Variants in TMEM132D observed in about 807,000 individuals in gnomAD.
TMEM132D encodes mature OL transmembrane protein.
TMEM132D carries 21 observed loss-of-function variants against 62.3 expected under a neutral mutation model. That is an observed-to-expected ratio of 0.34 (90% confidence interval 0.24 to 0.49). TMEM132D has a LOEUF of 0.49. Among genes scored for constraint, TMEM132D ranks in the 20% least tolerant of loss-of-function variants. The pLI is 0.99. For synonymous variants in TMEM132D, 621 were observed against 575.6 expected, an observed-to-expected ratio of 1.08 and a Z score of -1.13; for missense variants, 1,346 against 1,402.8, an observed-to-expected ratio of 0.96 and a Z score of 0.65.
intron 1 of TMEM132D, among the ~76,000 whole-genome samples, chr12:129,732,629 G>A (rs1247529268): frequency 6.6e-6 from 1 of 152,180 alleles, no homozygotes; most frequent in Admixed American, 6.5e-5. Context: ...TCCACAAGGT[G>A]TAAATGCTCC....
chr12:129,137,495 C>T (rs1460345616), intron 5 of TMEM132D, among the ~76,000 whole-genome samples: 1 of 152,142 alleles, frequency 6.6e-6, no homozygotes, highest in Non-Finnish European at 1.5e-5. Flanking sequence ...AACTTGAATG[C>T]CAGTCTTAGT....
At chr12:129,248,709 C>T (rs1037937107) in intron 4 of TMEM132D, among the ~76,000 whole-genome samples, 1 of 152,258 alleles carries the variant, frequency 6.6e-6, no homozygotes, top group East Asian at 1.9e-4. Context: ...CTCCCCCGCT[C>T]CACCCTCCAC....
chr12:129,771,007 G>A (rs1322765007), intron 1 of TMEM132D, among the ~76,000 whole-genome samples: 1 of 152,200 alleles, frequency 6.6e-6, no homozygotes, highest in African/African-American at 2.4e-5. Context: ...GGAGGTCCCT[G>A]AGGACATGAC....
chr12:129,447,582 C>G (rs552957233), intron 3 of TMEM132D, among the ~76,000 whole-genome samples: 3 of 152,092 alleles, frequency 2.0e-5, no homozygotes, highest in Non-Finnish European at 4.4e-5. Flanking sequence ...AGCCTTTCTC[C>G]TTGAGGTAAC....
rs1317739116 is a variant in TMEM132D at position 129,247,998 on chromosome 12, T to C, written c.1300-38335A>G. ...AGTAAGGTTGCAATGATTGAATATT[T>C]GCATGCCTTTAGCATAAAATTCAAG... On this transcript the variant is annotated intron_variant, in intron 4 of 8. Coordinates refer to ENST00000422113, the MANE Select transcript of TMEM132D (RefSeq NM_133448.3). Among the ~76,000 whole-genome samples, 4 of 152,184 alleles carry C rather than the reference T, an allele frequency of 2.6e-5. No homozygotes were observed. In the East Asian group the frequency reaches 7.7e-4, roughly 29 times the overall value.
intron 3 of TMEM132D, among the ~76,000 whole-genome samples, chr12:129,414,885 CTT>C (rs1300307957): frequency 1.3e-5 from 2 of 152,164 alleles, no homozygotes; most frequent in African/African-American, 4.8e-5. Flanking sequence ...GAATTCAACT[CTT>C]TTAGATTCCA....
chr12:129,898,715 C>T (rs181024889), intron 1 of TMEM132D, among the ~76,000 whole-genome samples: 2 of 152,366 alleles, frequency 1.3e-5, no homozygotes, highest in Admixed American at 6.5e-5. Flanking sequence ...GTGTAATTCA[C>T]ATGTTCCCCT....
At chr12:129,520,996 C>CA (rs1593048913) in intron 3 of TMEM132D, among the ~76,000 whole-genome samples, 1 of 152,134 alleles carries the variant, frequency 6.6e-6, no homozygotes, top group Non-Finnish European at 1.5e-5. Flanking sequence ...TAATTGTAGA[C>CA]AAAAAACACC....
intron 4 of TMEM132D, among the ~76,000 whole-genome samples, chr12:129,266,646 G>A (rs1015270677): frequency 2.9e-5 from 4 of 138,978 alleles, no homozygotes; most frequent in African/African-American, 1.1e-4. Context: ...CCTCTCACCA[G>A]TGACCTCATC....
intron 3 of TMEM132D, among the ~76,000 whole-genome samples, chr12:129,402,859 G>A (rs886616382): frequency 6.9e-6 from 1 of 145,766 alleles, no homozygotes; most frequent in Non-Finnish European, 1.5e-5. Context: ...GCCACCATCT[G>A]CAGCAATGGA....
chr12:129,616,281 A>T (rs945467619), intron 2 of TMEM132D, among the ~76,000 whole-genome samples: 1 of 152,154 alleles, frequency 6.6e-6, no homozygotes, highest in Non-Finnish European at 1.5e-5. Context: ...CTCATCATTC[A>T]GTATTTGCTT....
At position 129,473,057 on chromosome 12, in the gene TMEM132D, G is replaced by T. The variant is rs551142460; in HGVS notation, c.1115+58002C>A. ...TTTTTGTATTTTTAGTAGAGAAGGG[G>T]TTTCACCATGTTGGTCAGGCTGGTC... On this transcript the variant is annotated intron_variant, in intron 3 of 8. Coordinates refer to ENST00000422113, the MANE Select transcript of TMEM132D (RefSeq NM_133448.3). Among the ~76,000 whole-genome samples, 8 of 152,124 alleles carry T rather than the reference G, an allele frequency of 5.3e-5. No individual in the cohort carries two copies. In the East Asian group the frequency reaches 1.2e-3, roughly 22 times the overall value.
At chr12:129,082,626 A>G (rs1320453196) in intron 6 of TMEM132D, among the ~76,000 whole-genome samples, 1 of 152,312 alleles carries the variant, frequency 6.6e-6, no homozygotes, top group South Asian at 2.1e-4. Flanking sequence ...ATGGGACCCC[A>G]GCCCCACTGA....
chr12:129,317,171 T>C (rs1868516582), intron 4 of TMEM132D, among the ~76,000 whole-genome samples: 1 of 152,206 alleles, frequency 6.6e-6, no homozygotes, highest in Non-Finnish European at 1.5e-5. Context: ...TCATGCTCTT[T>C]GTTGCCTGTG....
At chr12:129,895,139 A>G (rs1180005397) in intron 1 of TMEM132D, among the ~76,000 whole-genome samples, 1 of 152,144 alleles carries the variant, frequency 6.6e-6, no homozygotes, top group Non-Finnish European at 1.5e-5. Flanking sequence ...ACCATCTGCT[A>G]CCATCTGAGC....
chr12:129,889,441 A>G (rs1286994804), intron 1 of TMEM132D, among the ~76,000 whole-genome samples: 1 of 152,074 alleles, frequency 6.6e-6, no homozygotes, highest in Non-Finnish European at 1.5e-5. Flanking sequence ...TGAGTGAACA[A>G]CAAATGAACC....
At chr12:129,822,085 G>A (rs1217791307) in intron 1 of TMEM132D, among the ~76,000 whole-genome samples, 2 of 152,152 alleles carry the variant, frequency 1.3e-5, no homozygotes, top group African/African-American at 2.4e-5. Flanking sequence ...GACAATCTGA[G>A]ACACACGCTG....
chr12:129,820,679 G>A (rs917049210), intron 1 of TMEM132D, among the ~76,000 whole-genome samples: 2 of 152,292 alleles, frequency 1.3e-5, no homozygotes, highest in Middle Eastern at 3.4e-3. Context: ...CATATTTCAG[G>A]TGTAAAGAAA....
rs187358615 is a variant in TMEM132D at position 129,511,819 on chromosome 12, C to T, written c.1115+19240G>A. Among the ~76,000 whole-genome samples, 390 of 152,276 alleles carry T rather than the reference C, an allele frequency of 2.6e-3. 2 individuals carry two copies. The highest frequency in any genetic ancestry group is 0.01 in the Middle Eastern group (3 of 294). ...TTATATATTGTTTTCACTTTTATCA[C>T]CTCATTTTATCCTTAGAAAAATCTT... is the stretch of plus-strand genomic sequence containing the variant. On this transcript the variant is annotated intron_variant, in intron 3 of 8. Transcript: ENST00000422113.
Sources: allele counts gnomAD v4.1 joint callset (sites outside exome capture counted in the v4.1 genomes callset), GRCh38; gene constraint gnomAD v4.1.1; transcripts MANE v1.5; gene names NCBI Gene and HGNC (gene_info 2026-07-23, HGNC 2026-07-21).